Variants in FOXJ3 observed in about 807,000 individuals in gnomAD.
FOXJ3 encodes forkhead box protein J3.
FOXJ3 carries 22 observed loss-of-function variants against 76.1 expected under a neutral mutation model. The observed-to-expected ratio is 0.29, with a 90% CI of 0.21 to 0.41. FOXJ3 has a LOEUF of 0.41. Among genes scored for constraint, FOXJ3 ranks in the 10% least tolerant of loss-of-function variants. FOXJ3 has a pLI of 1.00. For missense variants in FOXJ3, 613 were observed against 762.1 expected, an observed-to-expected ratio of 0.80 and a Z score of 2.30; for synonymous variants, 269 against 261.2, an observed-to-expected ratio of 1.03 and a Z score of -0.29.
chr1:42,290,512 C>A (rs1653348329), intron 2 of FOXJ3, among the ~76,000 whole-genome samples: 1 of 152,172 alleles, frequency 6.6e-6, no homozygotes, highest in African/African-American at 2.4e-5. Context: ...TAATAATCCA[C>A]GTGTAAAGAT....
intron 4 of FOXJ3, among the ~76,000 whole-genome samples, chr1:42,241,042 G>A (rs1180053996): frequency 1.3e-5 from 2 of 152,208 alleles, no homozygotes; most frequent in Non-Finnish European, 2.9e-5. Flanking sequence ...CAGGGAAGGA[G>A]GCGAGGGAAG....
chr1:42,317,756 A>T (rs921221232), intron 1 of FOXJ3, among the ~76,000 whole-genome samples: 2 of 152,180 alleles, frequency 1.3e-5, no homozygotes, highest in Non-Finnish European at 2.9e-5. Context: ...AAGTTTAGCT[A>T]CAAGTTGTAT....
intron 2 of FOXJ3, among the ~76,000 whole-genome samples, chr1:42,301,007 T>C (rs908532692): frequency 2.0e-5 from 3 of 152,208 alleles, no homozygotes; most frequent in African/African-American, 7.2e-5. Flanking sequence ...GAGGTTCTTC[T>C]TGCAATTTAT....
At chr1:42,301,735 T>C (rs990258582) in intron 2 of FOXJ3, among the ~76,000 whole-genome samples, 6 of 152,238 alleles carry the variant, frequency 3.9e-5, no homozygotes, top group Admixed American at 3.3e-4. Flanking sequence ...TGTGTGTGTG[T>C]TTTCAACTTT....
chr1:42,212,948 T>C (rs1646991578), intron 5 of FOXJ3, among the ~76,000 whole-genome samples: 2 of 130,644 alleles, frequency 1.5e-5, no homozygotes, highest in South Asian at 2.3e-4. Flanking sequence ...CCAAGAATTT[T>C]GTATCTAGCA....
chr1:42,317,921 A>C (rs1345188738), intron 1 of FOXJ3, among the ~76,000 whole-genome samples: 1 of 152,140 alleles, frequency 6.6e-6, no homozygotes, highest in Admixed American at 6.5e-5. Context: ...TCACCATCTG[A>C]TATGATTTTT....
chr1:42,314,718 A>G (rs560233297), intron 1 of FOXJ3, among the ~76,000 whole-genome samples: 29 of 152,358 alleles, frequency 1.9e-4, no homozygotes, highest in Non-Finnish European at 3.7e-4. Flanking sequence ...AACCTAAGTC[A>G]CGTTCTACAA....
At chr1:42,294,955 T>C (rs1653688160) in intron 2 of FOXJ3, among the ~76,000 whole-genome samples, 2 of 152,342 alleles carry the variant, frequency 1.3e-5, no homozygotes, top group East Asian at 3.9e-4. Context: ...GAATAAACTA[T>C]CCTTGTATTC....
intron 4 of FOXJ3, among the ~76,000 whole-genome samples, chr1:42,241,626 G>A (rs1000935176): frequency 1.3e-5 from 2 of 152,170 alleles, no homozygotes; most frequent in South Asian, 4.1e-4. Context: ...TGATACATGA[G>A]GTCTGGGGAA....
intron 4 of FOXJ3, among the ~76,000 whole-genome samples, chr1:42,255,256 G>A (rs979607152): frequency 6.6e-6 from 1 of 152,026 alleles, no homozygotes; most frequent in African/African-American, 2.4e-5. Context: ...TAGAGTAGGC[G>A]GTATAAAGTG....
intron 9 of FOXJ3, among the ~76,000 whole-genome samples, chr1:42,189,996 CTG>C (rs1314567398): frequency 6.6e-6 from 1 of 152,152 alleles, no homozygotes; most frequent in African/African-American, 2.4e-5. Context: ...CATAGTCCCC[CTG>C]CCAAGGTAGC....
chr1:42,324,850 T>C (rs1191740821), intron 1 of FOXJ3, among the ~76,000 whole-genome samples: 5 of 152,156 alleles, frequency 3.3e-5, no homozygotes, highest in Admixed American at 1.3e-4. Flanking sequence ...TGAGTGACTG[T>C]GAAGGCCTGG....
At chr1:42,187,424 A>G (rs1646460321) in intron 11 of FOXJ3, among the ~76,000 whole-genome samples, 2 of 152,216 alleles carry the variant, frequency 1.3e-5, no homozygotes, top group South Asian at 4.1e-4. Context: ...AAAAACAGAG[A>G]GAGGTGGTAC....
intron 2 of FOXJ3, among the ~76,000 whole-genome samples, chr1:42,303,190 G>A (rs540241297): frequency 9.9e-5 from 15 of 152,250 alleles, no homozygotes; most frequent in African/African-American, 3.6e-4. Context: ...CATGGGCACT[G>A]GATAAGGACC....
chr1:42,267,833 T>C lies in FOXJ3; in HGVS notation c.370-2644A>G, dbSNP rs532318395. On this transcript the variant is annotated intron_variant, in intron 3 of 12. Coordinates refer to ENST00000361346, the MANE Select transcript of FOXJ3 (RefSeq NM_014947.5). ...AAACATTAAACATGATTAAAGATTT[T>C]TAAAATTCCTCAGATGGGCTCATCA... Among the ~76,000 whole-genome samples the C allele has an allele frequency of 9.2e-5, 14 of 152,240 alleles. No individual in the cohort carries two copies. In the South Asian group the frequency reaches 2.9e-3, roughly 32 times the overall value.
intron 6 of FOXJ3, among the ~76,000 whole-genome samples, chr1:42,200,423 A>G (rs993771897): frequency 3.3e-5 from 5 of 151,744 alleles, no homozygotes; most frequent in Non-Finnish European, 2.9e-5. Context: ...TTGTTTTATC[A>G]TTTATGTATT....
chr1:42,279,708 T>C (rs576033462), intron 2 of FOXJ3, among the ~76,000 whole-genome samples: 2 of 152,080 alleles, frequency 1.3e-5, no homozygotes, highest in African/African-American at 4.8e-5. Flanking sequence ...AGCCCTTCTA[T>C]TCTGGGATCA....
At chr1:42,300,327 T>G (rs368891444) in intron 2 of FOXJ3, among the ~76,000 whole-genome samples, 4 of 152,354 alleles carry the variant, frequency 2.6e-5, no homozygotes, top group East Asian at 3.9e-4. Context: ...TTTATGATGG[T>G]AAGTACTGTC....
chr1:42,279,355 T>C (rs1448928517), intron 2 of FOXJ3, among the ~76,000 whole-genome samples: 1 of 152,168 alleles, frequency 6.6e-6, no homozygotes, highest in Non-Finnish European at 1.5e-5. Flanking sequence ...AGGGAGTTAC[T>C]TTTTTTAAAA....
Sources: gnomAD v4.1 joint callset for allele counts (sites outside exome capture counted in the v4.1 genomes callset) on GRCh38, gnomAD v4.1.1 for gene constraint, MANE v1.5 for transcripts, NCBI Gene and HGNC (gene_info 2026-07-23, HGNC 2026-07-21) for gene names.